The following DMTN variants were observed in gnomAD, a reference collection of about 807,000 sequenced individuals.
DMTN encodes dematin.
A neutral mutation model predicts 59.4 loss-of-function variants in DMTN; 27 were observed. The observed-to-expected ratio is 0.45, with a 90% confidence interval of 0.33 to 0.63. The LOEUF (loss-of-function observed/expected upper bound fraction) is 0.63, where lower values mean the gene tolerates loss of function less well. DMTN is among the 20% of genes least tolerant of loss of function. The pLI, the probability that DMTN is intolerant of heterozygous loss-of-function variation, is 0.02. For missense variants in DMTN, 451 were observed against 528.9 expected (o/e 0.85, Z 1.45); for synonymous variants, 221 against 203.7 (o/e 1.08, Z -0.72).
intron 10 of DMTN, among the ~76,000 whole-genome samples, chr8:22,078,483 G>T (rs918953436): frequency 6.5e-5 from 7 of 107,924 alleles, no homozygotes; most frequent in African/African-American, 2.5e-4. Context: ...ATCTATGGAG[G>T]TTAACTATTT....
chr8:22,064,912 C>T (rs1453656808), intron 1 of DMTN, among the ~76,000 whole-genome samples: 1 of 152,164 alleles, frequency 6.6e-6, no homozygotes, highest in Non-Finnish European at 1.5e-5. Context: ...AGCTCCACGA[C>T]TCTGGACAAA....
rs865793572 is a variant in DMTN at position 22,056,957 on chromosome 8, G to A, written c.-351G>A. On this transcript the variant is annotated 5_prime_UTR_variant, in exon 1 of 16. Transcript: ENST00000358242. ...CCCCTCCTTCGCCAGCTCCCACCCC[G>A]CCCACCCACCCTAAGCCGGCATTTT... is the stretch of plus-strand genomic sequence containing the variant. The A allele has an allele frequency of 2.6e-5, 2 of 75,866 alleles. No homozygotes were observed. Among genetic ancestry groups the A allele is most frequent in the South Asian group, 4.2e-4 (1 of 2,394 alleles). The allele number at this position is 75,866 out of a possible 1,614,324, so 4.7% of individuals were successfully genotyped here. A position where few individuals can be genotyped will look rare whatever the true frequency, so the allele number is the denominator to read the frequency against.
chr8:22,050,748 CCTGGGTCT>C (rs906669502), upstream of DMTN, among the ~76,000 whole-genome samples: 1 of 151,278 alleles, frequency 6.6e-6, no homozygotes, highest in African/African-American at 2.4e-5. Flanking sequence ...CTGCTCCCGC[CCTGGGTCT>C]CTGGGTCTCT....
chr8:22,074,269 G>T (rs199832323), intron 10 of DMTN, among the ~76,000 whole-genome samples: 1 of 151,056 alleles, frequency 6.6e-6, no homozygotes, highest in Non-Finnish European at 1.5e-5. Flanking sequence ...GTGGTTGTTT[G>T]TTGTTTGTTT....
intron 8 of DMTN, 125 bp from the exon 9 acceptor site, chr8:22,072,201 T>C: frequency 1.5e-6 from 2 of 1,299,216 alleles, no homozygotes; most frequent in Non-Finnish European, 2.0e-6. Context: ...CTTTATTTTT[T>C]AAAAAAATTT....
rs756522141 is a variant in DMTN, at chr8:22,080,788, G to A, written c.958-17G>A. ...TCCCTGCCCCGCTCTGGCTCACTGC[G>A]GCTTTGGTCTCCCCAGAACGGAGAG... On this transcript the variant is annotated splice_polypyrimidine_tract_variant and intron_variant, in intron 13 of 15. Transcript: ENST00000358242. The A allele has an allele frequency of 1.1e-5, 17 of 1,607,942 alleles. No homozygotes were observed. Among genetic ancestry groups the A allele is most frequent in the African/African-American group, 2.7e-5 (2 of 74,874 alleles).
chr8:22,080,537 G>A, intron 12 of DMTN, 77 bp downstream of exon 12: 1 of 1,613,946 alleles, frequency 6.2e-7, no homozygotes, highest in South Asian at 1.1e-5. Context: ...TCTGGGCTGT[G>A]GGCAGGGGTC....
At chr8:22,066,241 C>A (rs1810507150) in intron 1 of DMTN, among the ~76,000 whole-genome samples, 2 of 152,210 alleles carry the variant, frequency 1.3e-5, no homozygotes, top group Admixed American at 6.5e-5. Context: ...TAGGCACTCA[C>A]AAAGTTTCGG....
chr8:22,064,980 G>T (rs1032601446), intron 1 of DMTN, among the ~76,000 whole-genome samples: 3 of 152,182 alleles, frequency 2.0e-5, no homozygotes, highest in Non-Finnish European at 4.4e-5. Context: ...TTATAGGGTT[G>T]TTGGGGCAAT....
intron 6 of DMTN, 88 bp from the exon 7 acceptor site, chr8:22,069,793 C>T: frequency 6.7e-7 from 1 of 1,483,120 alleles, no homozygotes; most frequent in African/African-American, 1.4e-5. Flanking sequence ...AGTTCCCCAC[C>T]TTGTCCCGTT....
chr8:22,074,432 C>A (rs917689974), intron 10 of DMTN, among the ~76,000 whole-genome samples: 6 of 152,194 alleles, frequency 3.9e-5, no homozygotes, highest in African/African-American at 1.4e-4. Context: ...CGTCACCATG[C>A]CTGGCCAATT....
At chr8:22,078,505 CT>C (rs34550821) in intron 10 of DMTN, among the ~76,000 whole-genome samples, 144,190 of 150,706 alleles carry the variant, frequency 0.96, 69,008 homozygotes, top group East Asian at 0.99. Context: ...TACAAAAATG[CT>C]TGTGGAAACA....
intron 1 of DMTN, among the ~76,000 whole-genome samples, chr8:22,064,666 G>A (rs1809131731): frequency 6.6e-6 from 1 of 152,216 alleles, no homozygotes; most frequent in Non-Finnish European, 1.5e-5. Context: ...CACTGTGTTA[G>A]CCAGGATGGT....
intron 1 of DMTN, chr8:22,066,438 G>A (rs2130864337): frequency 6.5e-6 from 1 of 153,722 alleles, no homozygotes; most frequent in Non-Finnish European, 1.5e-5. Flanking sequence ...GGCGGGGAGG[G>A]CAGGTGCGGC....
intron 4 of DMTN, among the ~76,000 whole-genome samples, chr8:22,068,145 C>T (rs1812300246): frequency 6.6e-6 from 1 of 152,130 alleles, no homozygotes; most frequent in East Asian, 1.9e-4. Flanking sequence ...AGCGTCGTGG[C>T]TGACCAGTGA....
chr8:22,081,963 C>T lies in DMTN; in HGVS notation c.*500C>T, dbSNP rs757504009. 8.8e-6 allele frequency: 4 copies of T among 456,802 alleles called. No individual in the cohort carries two copies. Among genetic ancestry groups the T allele is most frequent in the Non-Finnish European group, 1.8e-5 (4 of 227,048 alleles). 28.3% of individuals were successfully genotyped at this position (456,802 alleles called of 1,614,324 possible). A position where few individuals can be genotyped will look rare whatever the true frequency, so the allele number is the denominator to read the frequency against. ...ACTCTAGTGGGAACAGGCCCCAGCT[C>T]AGCCTCCGGCAGGGAGGTCACCCCT... is the stretch of plus-strand genomic sequence containing the variant. On this transcript the variant is annotated 3_prime_UTR_variant, in exon 16 of 16. Coordinates refer to ENST00000358242, the MANE Select transcript of DMTN (RefSeq NM_001387751.1).
chr8:22,070,508 C>T, intron 8 of DMTN, 174 bp downstream of exon 8: 1 of 699,080 alleles, frequency 1.4e-6, no homozygotes, highest in Non-Finnish European at 2.2e-6. Flanking sequence ...CTCTGTGTTC[C>T]CATAGCGCTT....
At chr8:22,056,067 A>G (rs1010355208), upstream of DMTN, among the ~76,000 whole-genome samples, 5 of 152,242 alleles carry the variant, frequency 3.3e-5, no homozygotes, top group Non-Finnish European at 5.9e-5. Context: ...GGCCAATGAG[A>G]GGCTCCTGGG....
upstream of DMTN, among the ~76,000 whole-genome samples, chr8:22,049,404 C>T (rs1227908045): frequency 1.1e-5 from 1 of 94,190 alleles, no homozygotes; most frequent in East Asian, 2.8e-4. Flanking sequence ...GCGAGAGGGG[C>T]GGGGAGGAAG....
Sources: gnomAD v4.1 joint callset for allele counts (sites outside exome capture counted in the v4.1 genomes callset) on GRCh38, gnomAD v4.1.1 for gene constraint, MANE v1.5 for transcripts, NCBI Gene and HGNC (gene_info 2026-07-23, HGNC 2026-07-21) for gene names.